The following C12orf56 variants were observed in gnomAD, a reference collection of about 807,000 sequenced individuals.
C12orf56 encodes chromosome 12 open reading frame 56.
Under a neutral mutation model 69.9 loss-of-function variants are expected in C12orf56, and 71 were observed. The ratio of observed to expected loss-of-function variants is 1.02; its 90% CI spans 0.84 to 1.24. The LOEUF is 1.24. Ranked by LOEUF, C12orf56 falls within the 50% of genes most tolerant of loss-of-function variation. The pLI is 0.00. For missense variants in C12orf56, 732 were observed against 738.5 expected (o/e 0.99, Z 0.10); for synonymous variants, 276 against 274.1 (o/e 1.01, Z -0.07).
rs536112491 is a variant in C12orf56 at position 64,384,630 on chromosome 12, G to A, written c.252+5684C>T. Among the ~76,000 whole-genome samples, 5 of 152,266 alleles carry A rather than the reference G, an allele frequency of 3.3e-5. No homozygotes were observed. The South Asian group carries it at 8.3e-4, about 25-fold the overall frequency. On this transcript the variant is annotated intron_variant, in intron 1 of 12. Transcript: ENST00000543942. ...CAGATATTCACAAAAGGGGTGAAAG[G>A]ACTAGGAGAAAGAGAGGCAAGGGCT...
chr12:64,281,730 T>A lies in C12orf56; in HGVS notation c.1310+2934A>T, dbSNP rs138908328. 7.8e-3 allele frequency among the ~76,000 whole-genome samples: 1,194 copies of A among 152,270 alleles called. 16 individuals carry two copies. Among genetic ancestry groups the A allele is most frequent in the African/African-American group, 0.027 (1,118 of 41,552 alleles). On this transcript the variant is annotated intron_variant, in intron 8 of 12. Coordinates refer to ENST00000543942, the MANE Select transcript of C12orf56 (RefSeq NM_001170633.2). ...CTCTACTATAGCAATGTAATATATG[T>A]ATTGAAGGACATGAAAAGAATTGGT...
chr12:64,346,923 T>G (rs943126517), intron 2 of C12orf56, among the ~76,000 whole-genome samples: 1 of 152,136 alleles, frequency 6.6e-6, no homozygotes, highest in African/African-American at 2.4e-5. Flanking sequence ...AAAGAAAATA[T>G]CTATATCTAT....
At chr12:64,372,121 A>AT (rs1046351418) in intron 1 of C12orf56, among the ~76,000 whole-genome samples, 1 of 151,912 alleles carries the variant, frequency 6.6e-6, no homozygotes, top group East Asian at 1.9e-4. Context: ...TGTTCTAAGC[A>AT]TTTTTTGTAC....
chr12:64,276,237 A>G (rs990586825), intron 9 of C12orf56, among the ~76,000 whole-genome samples: 2 of 152,212 alleles, frequency 1.3e-5, no homozygotes, highest in African/African-American at 2.4e-5. Context: ...CAACACAGAC[A>G]TGAGACCTGC....
chr12:64,389,115 G>C (rs2039832677), intron 1 of C12orf56: 1 of 152,084 alleles, frequency 6.6e-6, no homozygotes, highest in Non-Finnish European at 1.5e-5. Flanking sequence ...GCTCAGTCAA[G>C]GGAATGAAAA....
At chr12:64,363,602 T>C (rs2039426161) in intron 1 of C12orf56, among the ~76,000 whole-genome samples, 1 of 152,198 alleles carries the variant, frequency 6.6e-6, no homozygotes, top group Non-Finnish European at 1.5e-5. Context: ...AACCAGCACC[T>C]ACTATGTTCT....
At chr12:64,362,901 TA>T (rs2039417071) in intron 1 of C12orf56, among the ~76,000 whole-genome samples, 1 of 152,198 alleles carries the variant, frequency 6.6e-6, no homozygotes, top group Non-Finnish European at 1.5e-5. Context: ...ATGGCATTCG[TA>T]AACTGACATG....
chr12:64,286,839 G>A (rs1275423076), intron 6 of C12orf56, among the ~76,000 whole-genome samples: 1 of 152,152 alleles, frequency 6.6e-6, no homozygotes, highest in Non-Finnish European at 1.5e-5. Flanking sequence ...GATATGGCAT[G>A]AGAAGAGGCT....
intron 3 of C12orf56, among the ~76,000 whole-genome samples, chr12:64,323,301 TC>T (rs920206539): frequency 3.9e-5 from 6 of 152,184 alleles, no homozygotes; most frequent in Admixed American, 6.5e-5. Flanking sequence ...CTGAGTTTGC[TC>T]ACCATTGTAT....
At chr12:64,336,448 T>C (rs960803621) in intron 2 of C12orf56, among the ~76,000 whole-genome samples, 1 of 152,188 alleles carries the variant, frequency 6.6e-6, no homozygotes, top group Non-Finnish European at 1.5e-5. Flanking sequence ...TATTTTCGTA[T>C]GTGTTTTTAT....
At chr12:64,347,141 A>G (rs1272457789) in intron 2 of C12orf56, among the ~76,000 whole-genome samples, 3 of 151,246 alleles carry the variant, frequency 2.0e-5, no homozygotes, top group Non-Finnish European at 4.4e-5. Context: ...ACACCCAACT[A>G]ATTTTTTTGT....
At chr12:64,374,629 C>T (rs958130665) in intron 1 of C12orf56, among the ~76,000 whole-genome samples, 2 of 151,782 alleles carry the variant, frequency 1.3e-5, no homozygotes, top group South Asian at 2.1e-4. Context: ...CTGCAAACTC[C>T]GCCTCCCAGG....
In C12orf56 at chr12:64,346,251, T is replaced by C. The variant is rs550148205; in HGVS notation, c.415+6643A>G. Among the ~76,000 whole-genome samples the C allele has an allele frequency of 2.6e-5, 4 of 152,206 alleles. No homozygotes were observed. In the South Asian group the frequency reaches 8.3e-4, roughly 32 times the overall value. On this transcript the variant is annotated intron_variant, in intron 2 of 12. Coordinates refer to ENST00000543942, the MANE Select transcript of C12orf56 (RefSeq NM_001170633.2). ...AAACTGAAGAACCTGGAGCCCGACG[T>C]TCGAGGGCAGGAAGCATCCAGCACA...
At chr12:64,352,848 A>ATTT in intron 2 of C12orf56, 46 bp downstream of exon 2, 1 of 1,449,210 alleles carries the variant, frequency 6.9e-7, no homozygotes. Context: ...ATATATATAT[A>ATTT]CTTTTTTTTT....
chr12:64,376,144 G>A (rs567206186), intron 1 of C12orf56, among the ~76,000 whole-genome samples: 8 of 152,282 alleles, frequency 5.3e-5, no homozygotes, highest in South Asian at 2.1e-4. Flanking sequence ...GTCCGACTGC[G>A]CATCACACAA....
At chr12:64,297,396 C>CG (rs1555187111) in intron 6 of C12orf56, among the ~76,000 whole-genome samples, 1 of 151,282 alleles carries the variant, frequency 6.6e-6, no homozygotes, top group African/African-American at 2.4e-5. Context: ...ACTTTTTTTT[C>CG]TTTTTTTTAT....
chr12:64,287,392 C>T (rs1443027870), intron 6 of C12orf56, among the ~76,000 whole-genome samples: 1 of 146,422 alleles, frequency 6.8e-6, no homozygotes, highest in African/African-American at 2.5e-5. Context: ...TACATGTGCA[C>T]ATTGTGCAGG....
At chr12:64,330,838 T>C (rs896637210) in intron 3 of C12orf56, 122 bp downstream of exon 3, 6 of 708,368 alleles carry the variant, frequency 8.5e-6, no homozygotes, top group Admixed American at 3.3e-5. Context: ...TTATTGCATA[T>C]GTAAGATTAA....
At chr12:64,307,544 A>G (rs1313994415) in intron 5 of C12orf56, among the ~76,000 whole-genome samples, 1 of 151,542 alleles carries the variant, frequency 6.6e-6, no homozygotes, top group Non-Finnish European at 1.5e-5. Flanking sequence ...TAATTTTTGT[A>G]TTTTTGTAGA....
Sources: allele counts gnomAD v4.1 joint callset (sites outside exome capture counted in the v4.1 genomes callset), GRCh38; gene constraint gnomAD v4.1.1; transcripts MANE v1.5; gene names NCBI Gene and HGNC (gene_info 2026-07-23, HGNC 2026-07-21).